ATP8B1: variants seen among roughly 807,000 people sequenced by gnomAD.
The protein encoded by ATP8B1 is phospholipid-transporting ATPase IC.
ATP8B1 carries 80 observed loss-of-function variants against 149.9 expected under a neutral mutation model. The ratio of observed to expected loss-of-function variants is 0.53; its 90% CI spans 0.45 to 0.64. The LOEUF (loss-of-function observed/expected upper bound fraction) is 0.64, where lower values mean the gene tolerates loss of function less well. Ranked by LOEUF, ATP8B1 falls within the 30% of genes least tolerant of loss-of-function variation. ATP8B1 has a pLI of 0.00. For missense variants in ATP8B1, 1,247 were observed against 1,552.6 expected (o/e 0.80, Z 3.31); for synonymous variants, 536 against 562.8 (o/e 0.95, Z 0.67).
intron 15 of ATP8B1, among the ~76,000 whole-genome samples, chr18:57,680,302 A>AAAAAAAAAAAAAAAAAAAAAAAAAAAAT: frequency 8.2e-6 from 1 of 121,424 alleles, no homozygotes; most frequent in East Asian, 2.3e-4. Flanking sequence ...AAAAAAAAAA[A>AAAAAAAAAAAAAAAAAAAAAAAAAAAAT]GACTGGGTGT....
chr18:57,775,091 A>G (rs1347446434), intron 1 of ATP8B1, among the ~76,000 whole-genome samples: 2 of 152,142 alleles, frequency 1.3e-5, no homozygotes, highest in East Asian at 3.9e-4. Context: ...AGAGGGGTGC[A>G]CTGCTTGAGC....
Position 57,648,256 on chromosome 18 carries a change from G to A in ATP8B1, c.*232C>T, listed in dbSNP as rs1909309496. Reference sequence around the variant, plus strand: ...CCTCCTCAGCCTCCTAAAGTGCTGGGATTACAGACCTGAGCCACCACGCCC... The same window carrying A: ...CCTCCTCAGCCTCCTAAAGTGCTGGAATTACAGACCTGAGCCACCACGCCC... On this transcript the variant is annotated 3_prime_UTR_variant, in exon 28 of 28. Transcript: ENST00000648908. The A allele has an allele frequency of 3.3e-6, 2 of 615,206 alleles. No individual in the cohort carries two copies. The highest frequency in any genetic ancestry group is 5.8e-6 in the Non-Finnish European group (2 of 345,502). The allele number at this position is 615,206 out of a possible 1,614,324, so 38.1% of individuals were successfully genotyped here.
At chr18:57,745,682 G>A (rs1237199231) in intron 1 of ATP8B1, among the ~76,000 whole-genome samples, 3 of 150,886 alleles carry the variant, frequency 2.0e-5, no homozygotes, top group Non-Finnish European at 4.4e-5. Flanking sequence ...TCTGACGCAG[G>A]GCCTTGCACT....
In ATP8B1 at chr18:57,654,046, G is replaced by A. The variant is rs773365045; in HGVS notation, c.2961C>T (p.Leu987=). Residue 987 remains leucine, a synonymous_variant, in exon 24 of 28, where the codon CTC becomes CTT. Transcript: ENST00000648908. The stretch of plus-strand genomic sequence containing the variant: ...GCAGGCTGGTGTACAGCACGTTGTA[G>A]AGGGTGATGAACCAATCCTCGTATG... The part of the protein sequence containing the change: ...QTAYEDWFIT[L]YNVLYTSLPV... 2 of 1,614,082 alleles carry A rather than the reference G, an allele frequency of 1.2e-6. No homozygotes were observed. The highest frequency in any genetic ancestry group is 1.7e-6 in the Non-Finnish European group (2 of 1,180,002).
chr18:57,783,198 C>T (rs1334273268), intron 1 of ATP8B1, among the ~76,000 whole-genome samples: 1 of 152,072 alleles, frequency 6.6e-6, no homozygotes, highest in East Asian at 1.9e-4. Flanking sequence ...ACACACTATT[C>T]AGGTTAAGAA....
intron 13 of ATP8B1, among the ~76,000 whole-genome samples, chr18:57,685,824 G>C (rs966230755): frequency 6.6e-6 from 1 of 152,046 alleles, no homozygotes; most frequent in Non-Finnish European, 1.5e-5. Flanking sequence ...CCAGCTACTC[G>C]GGAGGCTGAG....
intron 1 of ATP8B1, among the ~76,000 whole-genome samples, chr18:57,741,882 T>C (rs1258226307): frequency 6.6e-6 from 1 of 152,190 alleles, no homozygotes; most frequent in African/African-American, 2.4e-5. Context: ...TTTTATTTAC[T>C]TATTTGAGAC....
chr18:57,685,339 A>T lies in ATP8B1; in HGVS notation c.1430-224T>A, dbSNP rs112779682. Among the ~76,000 whole-genome samples, 1,003 of 152,190 alleles carry T rather than the reference A, an allele frequency of 6.6e-3. 7 individuals are homozygous for T. Among genetic ancestry groups the T allele is most frequent in the African/African-American group, 0.022 (893 of 41,532 alleles). ...CCACTACCTTCTCCTAGGGGCCTGA[A>T]TCATATCCTTTGAAATGCTTTACCT... On this transcript the variant is annotated intron_variant, in intron 13 of 27. Transcript: ENST00000648908.
intron 1 of ATP8B1, chr18:57,740,608 C>A (rs1227308784): frequency 1.6e-5 from 2 of 125,996 alleles, no homozygotes; most frequent in Non-Finnish European, 3.2e-5. Context: ...CAAGTTCTTG[C>A]TCTGTCACCT....
chr18:57,706,579 A>G lies in ATP8B1; in HGVS notation c.190T>C (p.Trp64Arg), dbSNP rs1336814862. The stretch of plus-strand genomic sequence containing the variant: ...TTGCGATCGTTTGCTTTGACTTGCC[A>G]TGTACATTCTTTAAAAAAAAGGGAG... ...NREPFRKECT[W>R]QVKANDRKYH... Residue 64 changes from tryptophan to arginine, a missense_variant, in exon 3 of 28, where the codon TGG (tryptophan) becomes CGG (arginine). Around this residue, in one of 3 missense-constraint regions of ATP8B1, gnomAD observed 853 missense variants for 1,035.7 expected, o/e 0.82. Coordinates refer to ENST00000648908, the MANE Select transcript of ATP8B1 (RefSeq NM_001374385.1). 6.2e-7 allele frequency: 1 copy of G among 1,613,624 alleles called. No homozygotes were observed. Among genetic ancestry groups the G allele is most frequent in the East Asian group, 2.2e-5 (1 of 44,880 alleles).
At chr18:57,752,434 C>T (rs142744361) in intron 1 of ATP8B1, among the ~76,000 whole-genome samples, 1 of 152,156 alleles carries the variant, frequency 6.6e-6, no homozygotes, top group African/African-American at 2.4e-5. Context: ...CCATTTATAA[C>T]ATGAAGATAA....
At chr18:57,649,297 TCTAC>T (rs768128103) in intron 27 of ATP8B1, among the ~76,000 whole-genome samples, 1 of 152,098 alleles carries the variant, frequency 6.6e-6, no homozygotes. Flanking sequence ...GATCAATCGA[TCTAC>T]CTACCTACCT....
intron 1 of ATP8B1, among the ~76,000 whole-genome samples, chr18:57,768,588 A>C (rs1172184721): frequency 7.0e-6 from 1 of 141,970 alleles, no homozygotes; most frequent in East Asian, 2.0e-4. Context: ...TTACATGCCA[A>C]AAAAAAAAAA....
rs935220168 is a variant in ATP8B1 at position 57,779,768 on chromosome 18, C to T, written c.-26+23230G>A. ...CAAAAAAATTAGCTGGGCGTGGTGG[C>T]GGGTGCCTGTAATCCCAGTGACTTG... On this transcript the variant is annotated intron_variant, in intron 1 of 27. Coordinates refer to ENST00000648908, the MANE Select transcript of ATP8B1 (RefSeq NM_001374385.1). 9.2e-5 allele frequency among the ~76,000 whole-genome samples: 14 copies of T among 151,894 alleles called. 1 individual carries two copies. Among genetic ancestry groups the T allele is most frequent in the Middle Eastern group, 6.8e-3 (2 of 294 alleles).
At chr18:57,787,566 T>G (rs550605538) in intron 1 of ATP8B1, among the ~76,000 whole-genome samples, 1 of 152,178 alleles carries the variant, frequency 6.6e-6, no homozygotes, top group Non-Finnish European at 1.5e-5. Context: ...ACACTGTGGG[T>G]GGGGAGTGTT....
intron 12 of ATP8B1, among the ~76,000 whole-genome samples, chr18:57,691,198 A>G (rs1037591715): frequency 2.0e-5 from 3 of 151,982 alleles, no homozygotes; most frequent in Non-Finnish European, 2.9e-5. Flanking sequence ...AAAAAAAGTA[A>G]AAGTAAAAAA....
Position 57,697,836 on chromosome 18 carries a change from C to T in ATP8B1, c.586G>A (p.Val196Ile). The T allele has an allele frequency of 1.2e-6, 2 of 1,613,910 alleles. No homozygotes were observed. The highest frequency in any genetic ancestry group is 1.7e-6 in the Non-Finnish European group (2 of 1,179,910). ...FKVAKWKEIQ[V>I]GDVIRLKKND... ...TTTTTCAGACGAATGACGTCTCCAA[C>T]TTGAATTTCTTTCCACTTAGCAACT... The change falls in exon 7 of 28, where the codon GTT (valine) becomes ATT (isoleucine). Residue 196 changes from valine (V) to isoleucine (I), a missense_variant. Physicochemically the swap from Val to Ile is conservative, Grantham distance 29. Around this residue, in one of 3 missense-constraint regions of ATP8B1, gnomAD observed 853 missense variants for 1,035.7 expected, o/e 0.82. Coordinates refer to ENST00000648908, the MANE Select transcript of ATP8B1 (RefSeq NM_001374385.1).
In ATP8B1 at chr18:57,802,966, C is replaced by T. The variant is rs934142554; in HGVS notation, c.-26+32G>A. 6.6e-6 allele frequency: 1 copy of T among 152,170 alleles called. No individual in the cohort carries two copies. The highest frequency in any genetic ancestry group is 2.4e-5 in the African/African-American group (1 of 41,452). 9.4% of individuals were successfully genotyped at this position (152,170 alleles called of 1,614,324 possible). A position where few individuals can be genotyped will look rare whatever the true frequency, so the allele number is the denominator to read the frequency against. On this transcript the variant is annotated intron_variant, in intron 1 of 27. Transcript: ENST00000648908. This position sits in a 1 kb window ranked among gnomAD's most constrained non-coding sequence, Gnocchi z 4.9. ...GCCGGGCCAAGGGGCTTGGGAAGGT[C>T]TGGGGGCCCCCGGCGCCGCACCCCT...
chr18:57,657,472 G>C (rs948030133), intron 22 of ATP8B1, among the ~76,000 whole-genome samples: 1 of 152,066 alleles, frequency 6.6e-6, no homozygotes, highest in African/African-American at 2.4e-5. Context: ...GCAATGCTGC[G>C]GCGTTCCAAC....
Sources: allele counts gnomAD v4.1 joint callset (sites outside exome capture counted in the v4.1 genomes callset), GRCh38; gene constraint gnomAD v4.1.1; regional missense constraint gnomAD v4.1.1; non-coding constraint Gnocchi (gnomAD v3.1); transcripts MANE v1.5; gene names NCBI Gene and HGNC (gene_info 2026-07-23, HGNC 2026-07-21).